PRELID2: variants seen among roughly 807,000 people sequenced by gnomAD.
PRELID2 encodes PRELI domain containing 2, also known as PRELI domain-containing protein 2.
PRELID2 carries 25 observed loss-of-function variants against 28.4 expected under a neutral mutation model. The ratio of observed to expected loss-of-function variants is 0.88; its 90% CI spans 0.64 to 1.23. The LOEUF is 1.23. Ranked by LOEUF, PRELID2 falls within the 50% of genes most tolerant of loss-of-function variation. The pLI, the probability that PRELID2 is intolerant of heterozygous loss-of-function variation, is 0.00. For synonymous variants in PRELID2, 76 were observed against 71.6 expected (o/e 1.06, Z -0.31); for missense variants, 201 against 214.4 (o/e 0.94, Z 0.39).
the PRELID2 span, among the ~76,000 whole-genome samples, chr5:145,402,818 C>T: frequency 6.6e-6 from 1 of 151,968 alleles, no homozygotes; most frequent in African/African-American, 2.4e-5. Context: ...CAGACTGAAT[C>T]GATGTCATAT....
intron 1 of PRELID2, among the ~76,000 whole-genome samples, chr5:145,516,311 A>G (rs907482706): frequency 3.3e-5 from 5 of 152,220 alleles, no homozygotes; most frequent in African/African-American, 1.2e-4. Flanking sequence ...TACAAAATCA[A>G]TGTGCAAAAA....
chr5:145,645,614 G>T (rs1418950871), intron 1 of PRELID2, among the ~76,000 whole-genome samples: 16 of 152,010 alleles, frequency 1.1e-4, no homozygotes, highest in Admixed American at 1.0e-3. Flanking sequence ...AGTTGATGCA[G>T]TTTCTTCATA....
chr5:145,689,847 A>C (rs943831668), intron 1 of PRELID2, among the ~76,000 whole-genome samples: 1 of 152,188 alleles, frequency 6.6e-6, no homozygotes, highest in Non-Finnish European at 1.5e-5. Context: ...ATTTATCCTC[A>C]GGGCCTTGCA....
At chr5:145,781,711 C>T (rs1487654918) in intron 5 of PRELID2, among the ~76,000 whole-genome samples, 3 of 143,016 alleles carry the variant, frequency 2.1e-5, no homozygotes, top group African/African-American at 5.3e-5. Context: ...TATATATATA[C>T]ACACACACTA....
At chr5:145,711,457 A>G (rs980282390) in intron 1 of PRELID2, among the ~76,000 whole-genome samples, 2 of 152,108 alleles carry the variant, frequency 1.3e-5, no homozygotes, top group Non-Finnish European at 2.9e-5. Flanking sequence ...GACCATCTGA[A>G]CCATTTTGAG....
chr5:145,750,071 T>C (rs150149883), intron 1 of PRELID2, among the ~76,000 whole-genome samples: 43 of 152,014 alleles, frequency 2.8e-4, no homozygotes, highest in Middle Eastern at 3.4e-3. Context: ...TCTGCACATG[T>C]ATCCCAGAAC....
chr5:145,386,441 C>T, the PRELID2 span, among the ~76,000 whole-genome samples: 1 of 152,074 alleles, frequency 6.6e-6, no homozygotes, highest in Non-Finnish European at 1.5e-5. Flanking sequence ...CTCATGAGAT[C>T]TGATGGTTTC....
At chr5:145,786,273 G>A (rs1356472643) in intron 5 of PRELID2, among the ~76,000 whole-genome samples, 1 of 152,130 alleles carries the variant, frequency 6.6e-6, no homozygotes. Context: ...TGTGCCTCCT[G>A]GTATTTATGC....
At chr5:145,439,010 A>G in the PRELID2 span, among the ~76,000 whole-genome samples, 2 of 152,218 alleles carry the variant, frequency 1.3e-5, no homozygotes, top group South Asian at 2.1e-4. Flanking sequence ...CATAGCTTAT[A>G]TCTCCCACAG....
chr5:145,605,117 T>C (rs1753485449), intron 1 of PRELID2, among the ~76,000 whole-genome samples: 1 of 151,860 alleles, frequency 6.6e-6, no homozygotes, highest in African/African-American at 2.4e-5. Flanking sequence ...TCCCATTTTA[T>C]GGGTTGTCAG....
chr5:145,485,463 C>T (rs1040838085), intron 1 of PRELID2, among the ~76,000 whole-genome samples: 1 of 152,196 alleles, frequency 6.6e-6, no homozygotes, highest in African/African-American at 2.4e-5. Flanking sequence ...ACCTAGAGCA[C>T]ATTCAGAATG....
the PRELID2 span, among the ~76,000 whole-genome samples, chr5:145,381,406 A>C: frequency 3.3e-5 from 5 of 152,300 alleles, no homozygotes; most frequent in East Asian, 9.6e-4. Context: ...AATTAAATGC[A>C]GTTTTTTGTT....
chr5:145,255,160 A>G, the PRELID2 span, among the ~76,000 whole-genome samples: 3 of 152,098 alleles, frequency 2.0e-5, no homozygotes, highest in African/African-American at 7.2e-5. Flanking sequence ...TTGGCATTCA[A>G]TTAAAAATTA....
At chr5:145,833,024 T>C (rs1156421263) in intron 1 of PRELID2, among the ~76,000 whole-genome samples, 1 of 151,998 alleles carries the variant, frequency 6.6e-6, no homozygotes. Flanking sequence ...ATCTCCCCAC[T>C]ACACACCATC....
At chr5:145,522,121 C>T (rs1375100205) in intron 1 of PRELID2, among the ~76,000 whole-genome samples, 1 of 152,104 alleles carries the variant, frequency 6.6e-6, no homozygotes, top group Non-Finnish European at 1.5e-5. Context: ...ATATTTGCTT[C>T]AAGTTTTTCT....
the PRELID2 span, chr5:145,338,463 A>G: frequency 2.0e-5 from 3 of 152,210 alleles, no homozygotes; most frequent in African/African-American, 7.2e-5. Flanking sequence ...TTCATCAGAT[A>G]TATAACCTAT....
chr5:145,496,636 GC>G (rs1300033983), intron 1 of PRELID2, among the ~76,000 whole-genome samples: 1 of 152,114 alleles, frequency 6.6e-6, no homozygotes, highest in Non-Finnish European at 1.5e-5. Context: ...TGCCTGAATA[GC>G]CTACTCTTGC....
intron 1 of PRELID2, chr5:145,834,927 C>A: frequency 2.4e-6 from 1 of 416,642 alleles, no homozygotes; most frequent in Non-Finnish European, 4.3e-6. Flanking sequence ...TTCCCGGAGG[C>A]TCTTCCTAAA....
At chr5:145,715,033 G>T (rs1349474179) in intron 1 of PRELID2, among the ~76,000 whole-genome samples, 1 of 151,966 alleles carries the variant, frequency 6.6e-6, no homozygotes, top group African/African-American at 2.4e-5. Flanking sequence ...CCTTCCCAAT[G>T]CCATGGATTT....
Sources: gnomAD v4.1 joint callset for allele counts (sites outside exome capture counted in the v4.1 genomes callset) on GRCh38, gnomAD v4.1.1 for gene constraint, MANE v1.5 for transcripts, NCBI Gene and HGNC (gene_info 2026-07-23, HGNC 2026-07-21) for gene names.